The following RABGAP1L variants were observed in gnomAD, a reference collection of about 807,000 sequenced individuals.
The protein encoded by RABGAP1L is RAB GTPase activating protein 1 like.
In RABGAP1L, 63 loss-of-function variants were observed where a neutral mutation model predicts 137.7. That is an observed-to-expected ratio of 0.46 (90% confidence interval 0.37 to 0.56). The LOEUF (loss-of-function observed/expected upper bound fraction) is 0.56, where lower values mean the gene tolerates loss of function less well. Ranked by LOEUF, RABGAP1L falls within the 20% of genes least tolerant of loss-of-function variation. The pLI, the probability that RABGAP1L is intolerant of heterozygous loss-of-function variation, is 0.00. For missense variants in RABGAP1L, 1,095 were observed against 1,244.0 expected (o/e 0.88, Z 1.80); for synonymous variants, 431 against 433.7 (o/e 0.99, Z 0.08).
At chr1:174,265,720 T>C (rs1218329622) in intron 7 of RABGAP1L, among the ~76,000 whole-genome samples, 3 of 152,098 alleles carry the variant, frequency 2.0e-5, no homozygotes, top group South Asian at 2.1e-4. Context: ...TTTAAGAACA[T>C]TGACCTAAAA....
chr1:174,853,718 G>A (rs1648779501), intron 19 of RABGAP1L, among the ~76,000 whole-genome samples: 2 of 151,990 alleles, frequency 1.3e-5, no homozygotes, highest in South Asian at 2.1e-4. Flanking sequence ...GCGACAGAGC[G>A]AGACTCCACT....
At chr1:174,254,039 T>C (rs1224647492) in intron 7 of RABGAP1L, among the ~76,000 whole-genome samples, 1 of 151,948 alleles carries the variant, frequency 6.6e-6, no homozygotes, top group Admixed American at 6.6e-5. Flanking sequence ...GATGGCATCA[T>C]GGCCACTTCT....
chr1:174,620,887 G>C (rs1276341807), intron 13 of RABGAP1L, among the ~76,000 whole-genome samples: 1 of 151,966 alleles, frequency 6.6e-6, no homozygotes, highest in African/African-American at 2.4e-5. Flanking sequence ...TAGACCACTA[G>C]CAAGACTAAT....
chr1:174,566,194 G>A (rs1667571170), intron 13 of RABGAP1L, among the ~76,000 whole-genome samples: 1 of 152,168 alleles, frequency 6.6e-6, no homozygotes, highest in South Asian at 2.1e-4. Flanking sequence ...TAAGCAGAGA[G>A]CAAGAGAAGA....
At chr1:174,922,905 G>T (rs1372422983) in intron 19 of RABGAP1L, among the ~76,000 whole-genome samples, 4 of 152,154 alleles carry the variant, frequency 2.6e-5, no homozygotes, top group Non-Finnish European at 5.9e-5. Context: ...CAGGCACAGT[G>T]GCTCATGCCT....
intron 13 of RABGAP1L, among the ~76,000 whole-genome samples, chr1:174,421,734 T>C (rs1167732963): frequency 5.9e-5 from 9 of 152,218 alleles, no homozygotes; most frequent in Non-Finnish European, 1.3e-4. Context: ...TACTGCCTGA[T>C]GAAAGTTTGT....
At chr1:174,162,214 G>A (rs544139067) in intron 1 of RABGAP1L, among the ~76,000 whole-genome samples, 3 of 152,128 alleles carry the variant, frequency 2.0e-5, no homozygotes, top group East Asian at 3.9e-4. Context: ...ATGTGAAACA[G>A]GAGTTTTCAT....
Position 174,696,186 on chromosome 1 carries a change from T to G in RABGAP1L, c.1900-3339T>G, listed in dbSNP as rs373085145. ...TGGCCCAGGATGGATCTAGAAATGC[T>G]TTTCAGGAGCTAGGGTCTGGACTCA... On this transcript the variant is annotated intron_variant, in intron 15 of 25. Coordinates refer to ENST00000681986, the MANE Select transcript of RABGAP1L (RefSeq NM_001366446.1). Among the ~76,000 whole-genome samples the G allele has an allele frequency of 2.8e-4, 43 of 152,148 alleles. 2 individuals carry two copies. Among genetic ancestry groups the G allele is most frequent in the African/African-American group, 9.9e-4 (41 of 41,528 alleles).
intron 13 of RABGAP1L, among the ~76,000 whole-genome samples, chr1:174,478,706 T>A (rs1425439339): frequency 6.6e-6 from 1 of 152,218 alleles, no homozygotes; most frequent in Non-Finnish European, 1.5e-5. Context: ...AATAAGTTCT[T>A]TGTTATTATT....
At chr1:174,696,686 C>A (rs1679285975) in intron 15 of RABGAP1L, among the ~76,000 whole-genome samples, 1 of 152,208 alleles carries the variant, frequency 6.6e-6, no homozygotes. Flanking sequence ...GTCCCACAAT[C>A]CCTGCTCTCT....
chr1:174,646,272 A>T (rs1326333681), intron 14 of RABGAP1L, among the ~76,000 whole-genome samples: 1 of 152,132 alleles, frequency 6.6e-6, no homozygotes, highest in Non-Finnish European at 1.5e-5. Flanking sequence ...TGTTTTAGTT[A>T]TGAAGTATTT....
Position 174,560,703 on chromosome 1 carries a change from A to T in RABGAP1L, c.1711-76672A>T, listed in dbSNP as rs146970196. On this transcript the variant is annotated intron_variant, in intron 13 of 25. Transcript: ENST00000681986. ...GTACCCAATAAGTAGTTTTTTGGCC[A>T]TCCTCCCCTTCGCACCCTCCCCCTT... 3.7e-3 allele frequency among the ~76,000 whole-genome samples: 562 copies of T among 152,134 alleles called. 5 individuals carry two copies. Among genetic ancestry groups the T allele is most frequent in the African/African-American group, 0.012 (484 of 41,494 alleles).
intron 13 of RABGAP1L, among the ~76,000 whole-genome samples, chr1:174,411,054 A>C (rs1007814611): frequency 6.6e-6 from 1 of 152,094 alleles, no homozygotes; most frequent in South Asian, 2.1e-4. Flanking sequence ...CGATATTGCT[A>C]TATAGAAATG....
intron 13 of RABGAP1L, among the ~76,000 whole-genome samples, chr1:174,559,531 T>C (rs1667078183): frequency 6.6e-6 from 1 of 152,184 alleles, no homozygotes; most frequent in South Asian, 2.1e-4. Context: ...TCAATGGAAA[T>C]ATTACCTTTT....
intron 11 of RABGAP1L, among the ~76,000 whole-genome samples, chr1:174,317,877 G>C (rs1679536920): frequency 6.6e-6 from 1 of 152,102 alleles, no homozygotes; most frequent in South Asian, 2.1e-4. Context: ...CCATGGGCGG[G>C]CATCAGCAGG....
intron 17 of RABGAP1L, among the ~76,000 whole-genome samples, chr1:174,730,733 T>C (rs918194262): frequency 6.6e-6 from 1 of 152,132 alleles, no homozygotes; most frequent in Admixed American, 6.6e-5. Context: ...CAGAGAGTCA[T>C]AGAGTTGTTC....
At chr1:174,840,983 G>A (rs1322694661) in intron 19 of RABGAP1L, among the ~76,000 whole-genome samples, 1 of 152,014 alleles carries the variant, frequency 6.6e-6, no homozygotes, top group African/African-American at 2.4e-5. Flanking sequence ...AGGCAATGAG[G>A]AATAATTCAA....
intron 1 of RABGAP1L, among the ~76,000 whole-genome samples, chr1:174,164,105 C>A (rs1419200995): frequency 4.0e-5 from 6 of 150,412 alleles, no homozygotes; most frequent in African/African-American, 1.5e-4. Context: ...TTACCCCCTA[C>A]CTGCCCCCCA....
chr1:174,283,525 G>A (rs1248621183), intron 10 of RABGAP1L, among the ~76,000 whole-genome samples: 1 of 147,308 alleles, frequency 6.8e-6, no homozygotes, highest in African/African-American at 2.5e-5. Context: ...TTGTTTTTTT[G>A]AGACGGAGTC....
Sources: gnomAD v4.1 joint callset for allele counts (sites outside exome capture counted in the v4.1 genomes callset) on GRCh38, gnomAD v4.1.1 for gene constraint, MANE v1.5 for transcripts, NCBI Gene and HGNC (gene_info 2026-07-23, HGNC 2026-07-21) for gene names.